Variants in KCNQ3 observed in about 807,000 individuals in gnomAD.
KCNQ3 encodes potassium voltage-gated channel subfamily Q member 3.
KCNQ3 carries 30 observed loss-of-function variants against 92.5 expected under a neutral mutation model. The observed-to-expected ratio is 0.32, with a 90% CI of 0.24 to 0.44. The LOEUF is 0.44. Among genes scored for constraint, KCNQ3 ranks in the 20% least tolerant of loss-of-function variants. The probability of loss-of-function intolerance (pLI) is 1.00; values close to 1 mark genes in which losing one functional copy is unlikely to be tolerated. For synonymous variants in KCNQ3, 450 were observed against 468.8 expected, an observed-to-expected ratio of 0.96 and a Z score of 0.52; for missense variants, 913 against 1,140.3, an observed-to-expected ratio of 0.80 and a Z score of 2.87.
At chr8:132,208,469 C>T (rs564955691) in intron 1 of KCNQ3, among the ~76,000 whole-genome samples, 10 of 152,194 alleles carry the variant, frequency 6.6e-5, no homozygotes, top group South Asian at 4.2e-4. Flanking sequence ...GAGCCACATC[C>T]GCTTCAGTTT....
chr8:132,440,442 G>A (rs1821507344), intron 1 of KCNQ3, among the ~76,000 whole-genome samples: 1 of 152,142 alleles, frequency 6.6e-6, no homozygotes, highest in South Asian at 2.1e-4. Flanking sequence ...CCTGAGGGGT[G>A]GCCTTGAGTC....
intron 12 of KCNQ3, among the ~76,000 whole-genome samples, chr8:132,137,539 G>T (rs1042782258): frequency 3.3e-5 from 5 of 152,168 alleles, no homozygotes; most frequent in Non-Finnish European, 7.3e-5. Context: ...GTAAAGAATT[G>T]TATTGAGAAT....
intron 1 of KCNQ3, among the ~76,000 whole-genome samples, chr8:132,435,022 A>G (rs1019133347): frequency 6.6e-6 from 1 of 152,176 alleles, no homozygotes; most frequent in Non-Finnish European, 1.5e-5. Context: ...CATTCATTCT[A>G]TACACATTTA....
intron 1 of KCNQ3, among the ~76,000 whole-genome samples, chr8:132,477,302 G>A (rs1013331549): frequency 1.7e-4 from 25 of 150,514 alleles, no homozygotes; most frequent in Non-Finnish European, 2.9e-4. Context: ...TCTACCTTTA[G>A]GAAGGAGAAA....
intron 1 of KCNQ3, among the ~76,000 whole-genome samples, chr8:132,297,905 A>G (rs1817095080): frequency 6.6e-6 from 1 of 152,254 alleles, no homozygotes; most frequent in South Asian, 2.1e-4. Flanking sequence ...GAAAGCACTG[A>G]TATCTTCTAC....
intron 1 of KCNQ3, among the ~76,000 whole-genome samples, chr8:132,270,544 G>A (rs954469895): frequency 3.9e-5 from 6 of 152,110 alleles, no homozygotes; most frequent in Non-Finnish European, 7.4e-5. Context: ...GTCTGGATTC[G>A]AAAATCTGGT....
rs1171145323 is a variant in KCNQ3 at position 132,217,988 on chromosome 8, T to C, written c.387-31807A>G. 3.3e-5 allele frequency among the ~76,000 whole-genome samples: 5 copies of C among 152,352 alleles called. No homozygotes were observed. The East Asian group carries it at 9.6e-4, about 29-fold the overall frequency. ...TTAAATATTTTCAGTCTTGTTTATG[T>C]TATTAATTTGCTTAGCCAAGTGTGC... On this transcript the variant is annotated intron_variant, in intron 1 of 14. Coordinates refer to ENST00000388996, the MANE Select transcript of KCNQ3 (RefSeq NM_004519.4).
intron 1 of KCNQ3, among the ~76,000 whole-genome samples, chr8:132,428,114 T>C (rs1051098914): frequency 6.6e-6 from 1 of 152,160 alleles, no homozygotes; most frequent in African/African-American, 2.4e-5. Context: ...CTCTCTCGAC[T>C]TCTCGGTCTC....
rs186681695 is a variant in KCNQ3, at chr8:132,352,998, G to A, written c.386+127149C>T. 6.4e-3 allele frequency among the ~76,000 whole-genome samples: 969 copies of A among 152,258 alleles called. 6 individuals carry two copies. Among genetic ancestry groups the A allele is most frequent in the Middle Eastern group, 0.02 (6 of 294 alleles). ...TCCCAGCACTTTGGGAGGTCGAGGC[G>A]GGTGGATCACGAGGTCAGGAGTTTG... is the stretch of plus-strand genomic sequence containing the variant. On this transcript the variant is annotated intron_variant, in intron 1 of 14. Transcript: ENST00000388996.
intron 1 of KCNQ3, among the ~76,000 whole-genome samples, chr8:132,227,130 G>C (rs749657207): frequency 2.0e-4 from 30 of 149,974 alleles, no homozygotes; most frequent in African/African-American, 7.1e-4. Flanking sequence ...GCGCGATCTC[G>C]GGGCTCACTG....
intron 1 of KCNQ3, among the ~76,000 whole-genome samples, chr8:132,418,528 G>T (rs983201873): frequency 6.6e-6 from 1 of 152,214 alleles, no homozygotes; most frequent in Non-Finnish European, 1.5e-5. Flanking sequence ...GTTCACACCT[G>T]TAATCCCAGC....
rs200388919 is a variant in KCNQ3 at position 132,295,184 on chromosome 8, T to C, written c.387-109003A>G. Reference sequence around the variant, plus strand: ...AGAATCTACAAGGAACTTAAACAAATTTACAAGAAAATAAAACAACCCCAT... The same window carrying C: ...AGAATCTACAAGGAACTTAAACAAACTTACAAGAAAATAAAACAACCCCAT... On this transcript the variant is annotated intron_variant, in intron 1 of 14. Transcript: ENST00000388996. Among the ~76,000 whole-genome samples, 17 of 152,220 alleles carry C rather than the reference T, an allele frequency of 1.1e-4. No homozygotes were observed. The East Asian group carries it at 2.7e-3, about 24-fold the overall frequency.
intron 1 of KCNQ3, among the ~76,000 whole-genome samples, chr8:132,270,432 A>T (rs1241111201): frequency 1.3e-5 from 2 of 152,322 alleles, no homozygotes; most frequent in African/African-American, 4.8e-5. Context: ...AACTGTGTGT[A>T]ACAGAAGGCA....
At chr8:132,470,643 T>TA (rs1822277307) in intron 1 of KCNQ3, among the ~76,000 whole-genome samples, 2 of 152,248 alleles carry the variant, frequency 1.3e-5, no homozygotes, top group African/African-American at 4.8e-5. Context: ...GATACAATAA[T>TA]GTTATCTACT....
At chr8:132,207,939 A>G (rs982175830) in intron 1 of KCNQ3, among the ~76,000 whole-genome samples, 1 of 151,776 alleles carries the variant, frequency 6.6e-6, no homozygotes, top group African/African-American at 2.4e-5. Context: ...AAAAAAAAAA[A>G]AAAGAACGTG....
chr8:132,393,312 T>C (rs532544171), intron 1 of KCNQ3, among the ~76,000 whole-genome samples: 1 of 152,328 alleles, frequency 6.6e-6, no homozygotes, highest in East Asian at 1.9e-4. Flanking sequence ...GGCTCTATCC[T>C]AATCATCTAG....
At chr8:132,462,380 G>A (rs575075150) in intron 1 of KCNQ3, among the ~76,000 whole-genome samples, 2 of 152,010 alleles carry the variant, frequency 1.3e-5, no homozygotes, top group Non-Finnish European at 2.9e-5. Context: ...AGTAGAGAAG[G>A]TTTCACCATG....
At chr8:132,445,978 C>T (rs934563995) in intron 1 of KCNQ3, among the ~76,000 whole-genome samples, 4 of 152,250 alleles carry the variant, frequency 2.6e-5, no homozygotes, top group Middle Eastern at 3.4e-3. Flanking sequence ...CCCATATGCC[C>T]GGGATACCTT....
intron 1 of KCNQ3, among the ~76,000 whole-genome samples, chr8:132,410,976 C>T (rs1051588886): frequency 2.6e-5 from 4 of 152,178 alleles, no homozygotes; most frequent in African/African-American, 7.2e-5. Flanking sequence ...ATTTTCTGAC[C>T]GTTAAGTCTG....
Sources: gnomAD v4.1 joint callset for allele counts (sites outside exome capture counted in the v4.1 genomes callset) on GRCh38, gnomAD v4.1.1 for gene constraint, MANE v1.5 for transcripts, NCBI Gene and HGNC (gene_info 2026-07-23, HGNC 2026-07-21) for gene names.